BCL2L13: variants seen among roughly 807,000 people sequenced by gnomAD.
BCL2L13 encodes the protein bcl-2-like protein 13.
A neutral mutation model predicts 25.8 loss-of-function variants in BCL2L13; 13 were observed. The observed-to-expected ratio is 0.50, with a 90% confidence interval of 0.33 to 0.80. The LOEUF (loss-of-function observed/expected upper bound fraction) is 0.80, where lower values mean the gene tolerates loss of function less well. Among genes scored for constraint, BCL2L13 ranks in the 30% least tolerant of loss-of-function variants. The probability of loss-of-function intolerance (pLI) is 0.02; values close to 1 mark genes in which losing one functional copy is unlikely to be tolerated. For missense variants in BCL2L13, 504 were observed against 574.9 expected (o/e 0.88, Z 1.26); for synonymous variants, 244 against 230.3 (o/e 1.06, Z -0.54).
At chr22:17,683,347 T>C (rs766150222) in intron 3 of BCL2L13, 26 bp downstream of exon 3, 4 of 1,308,918 alleles carry the variant, frequency 3.1e-6, no homozygotes, top group Non-Finnish European at 4.3e-6. Context: ...TTTTTCTAGT[T>C]AATAAGCAGA....
intron 6 of BCL2L13, among the ~76,000 whole-genome samples, chr22:17,704,790 C>G (rs1441194469): frequency 6.6e-6 from 1 of 152,094 alleles, no homozygotes; most frequent in Non-Finnish European, 1.5e-5. Context: ...TTAATGTTTA[C>G]TTTGTGTAGA....
chr22:17,676,619 G>A (rs762774304), intron 2 of BCL2L13, among the ~76,000 whole-genome samples: 2 of 152,182 alleles, frequency 1.3e-5, no homozygotes, highest in African/African-American at 2.4e-5. Context: ...GCAAGAAATA[G>A]CATGGGCCGT....
intron 6 of BCL2L13, among the ~76,000 whole-genome samples, chr22:17,722,835 A>G (rs945347588): frequency 3.9e-5 from 6 of 152,298 alleles, no homozygotes; most frequent in African/African-American, 9.6e-5. Context: ...CATGATATAT[A>G]TATCCCTTTA....
At chr22:17,698,906 C>A (rs1159889556) in intron 5 of BCL2L13, among the ~76,000 whole-genome samples, 2 of 152,180 alleles carry the variant, frequency 1.3e-5, no homozygotes, top group Non-Finnish European at 2.9e-5. Context: ...TGATTGAAGT[C>A]TCTTTTAATA....
intron 5 of BCL2L13, among the ~76,000 whole-genome samples, chr22:17,698,456 CA>C (rs1180843006): frequency 1.3e-5 from 2 of 149,102 alleles, no homozygotes; most frequent in African/African-American, 4.9e-5. Context: ...TACAGTAGCT[CA>C]CACCTGTAAT....
In BCL2L13 at chr22:17,651,367, C is replaced by CTATTTATT. The variant is rs148784214; in HGVS notation, c.-50-4269_-50-4262dup. On this transcript the variant is annotated intron_variant, in intron 1 of 6. Transcript: ENST00000317582. ...AGAATTTTGTATCTCCAGCCTAGACCTATTTATTTATTTATTTATTTATTT... is the reference window on the plus strand; with the variant it reads ...AGAATTTTGTATCTCCAGCCTAGACCTATTTATTTATTTATTTATTTATTTATTTATTT... 5.1e-3 allele frequency among the ~76,000 whole-genome samples: 255 copies of CTATTTATT among 49,556 alleles called. 2 individuals are homozygous for CTATTTATT. In the Middle Eastern group the frequency reaches 0.064, roughly 12 times the overall value. 32.5% of individuals were successfully genotyped at this position (49,556 alleles called of 152,430 possible). A position where few individuals can be genotyped will look rare whatever the true frequency, so the allele number is the denominator to read the frequency against.
intron 1 of BCL2L13, among the ~76,000 whole-genome samples, chr22:17,654,023 A>G (rs2058769414): frequency 6.6e-6 from 1 of 152,060 alleles, no homozygotes; most frequent in Non-Finnish European, 1.5e-5. Flanking sequence ...CTTCATGTCT[A>G]ATGCCTATAG....
intron 2 of BCL2L13, among the ~76,000 whole-genome samples, chr22:17,672,701 A>G (rs1184132117): frequency 6.6e-6 from 1 of 152,214 alleles, no homozygotes; most frequent in Non-Finnish European, 1.5e-5. Context: ...CACATGGTTT[A>G]TTATGAAGTA....
intron 2 of BCL2L13, among the ~76,000 whole-genome samples, chr22:17,666,133 G>T (rs553159132): frequency 1.6e-4 from 24 of 152,058 alleles, no homozygotes; most frequent in South Asian, 4.2e-4. Context: ...CTATTCTAGG[G>T]GATGTGCTGT....
chr22:17,683,114 C>T (rs1244387983), intron 2 of BCL2L13, 100 bp from the exon 3 acceptor site: 1 of 631,750 alleles, frequency 1.6e-6, no homozygotes, highest in Non-Finnish European at 2.8e-6. Context: ...GCCCCAGTGA[C>T]AGTGCGAGAC....
chr22:17,705,543 C>T (rs914059430), intron 6 of BCL2L13, among the ~76,000 whole-genome samples: 7 of 151,702 alleles, frequency 4.6e-5, no homozygotes, highest in African/African-American at 1.7e-4. Context: ...GTGATCCACC[C>T]GCCTCAGCCT....
intron 1 of BCL2L13, 112 bp from the exon 2 acceptor site, chr22:17,655,550 C>A (rs1441892784): frequency 6.5e-6 from 5 of 767,090 alleles, no homozygotes; most frequent in Non-Finnish European, 9.3e-6. Flanking sequence ...GCCTGAGCGA[C>A]AAGAGCAAGA....
At chr22:17,711,895 TGTATA>T (rs1180900213) in intron 6 of BCL2L13, among the ~76,000 whole-genome samples, 1 of 152,114 alleles carries the variant, frequency 6.6e-6, no homozygotes, top group Non-Finnish European at 1.5e-5. Context: ...TTACAAAACT[TGTATA>T]GTATGAATAG....
intron 2 of BCL2L13, among the ~76,000 whole-genome samples, chr22:17,669,133 C>T (rs752553948): frequency 2.7e-5 from 4 of 149,196 alleles, no homozygotes; most frequent in East Asian, 4.0e-4. Context: ...CCCAGGTTCA[C>T]GCCTTTCTCC....
intron 2 of BCL2L13, among the ~76,000 whole-genome samples, chr22:17,660,559 C>A (rs1017496436): frequency 2.1e-5 from 3 of 143,300 alleles, no homozygotes; most frequent in African/African-American, 7.4e-5. Flanking sequence ...GCTGGAAGTA[C>A]TCGAACAGGC....
intron 2 of BCL2L13, among the ~76,000 whole-genome samples, chr22:17,669,790 C>T (rs1346064513): frequency 2.0e-5 from 3 of 152,220 alleles, no homozygotes; most frequent in Non-Finnish European, 4.4e-5. Flanking sequence ...GGAGCTCACA[C>T]ATTAGCATGC....
intron 2 of BCL2L13, among the ~76,000 whole-genome samples, chr22:17,663,140 G>A (rs1033117038): frequency 1.3e-5 from 2 of 152,124 alleles, no homozygotes; most frequent in African/African-American, 4.8e-5. Flanking sequence ...CAAAGTGCTG[G>A]GATTACAGGC....
At chr22:17,716,402 CT>C (rs1372422271) in intron 6 of BCL2L13, among the ~76,000 whole-genome samples, 1 of 152,168 alleles carries the variant, frequency 6.6e-6, no homozygotes, top group Admixed American at 6.5e-5. Flanking sequence ...ATACCAGTAT[CT>C]ATGTGAATAA....
intron 2 of BCL2L13, among the ~76,000 whole-genome samples, chr22:17,658,822 G>C (rs939031412): frequency 6.6e-6 from 1 of 151,540 alleles, no homozygotes; most frequent in Non-Finnish European, 1.5e-5. Flanking sequence ...ACTTTGGGAG[G>C]CTGAGGCAGT....
Sources: gnomAD v4.1 joint callset for allele counts (sites outside exome capture counted in the v4.1 genomes callset) on GRCh38, gnomAD v4.1.1 for gene constraint, MANE v1.5 for transcripts, NCBI Gene and HGNC (gene_info 2026-07-23, HGNC 2026-07-21) for gene names.